Variants in TMEM209 observed in about 807,000 individuals in gnomAD.
The protein encoded by TMEM209 is transmembrane protein 209, also known as testicular tissue protein Li 202.
In TMEM209, 65 loss-of-function variants were observed where a neutral mutation model predicts 76.2. The ratio of observed to expected loss-of-function variants is 0.85; its 90% confidence interval spans 0.70 to 1.05. The LOEUF is 1.05. TMEM209 is among the 50% of genes least tolerant of loss of function. The probability of loss-of-function intolerance (pLI) is 0.00; values close to 1 mark genes in which losing one functional copy is unlikely to be tolerated. For missense variants in TMEM209, 623 were observed against 685.5 expected, an observed-to-expected ratio of 0.91 and a Z score of 1.02; for synonymous variants, 239 against 237.6, an observed-to-expected ratio of 1.01 and a Z score of -0.06.
chr7:130,177,046 A>C (rs952291226), intron 10 of TMEM209, among the ~76,000 whole-genome samples: 1 of 151,222 alleles, frequency 6.6e-6, no homozygotes, highest in African/African-American at 2.4e-5. Flanking sequence ...AAAAAAAAAA[A>C]AATTATATTA....
At chr7:130,181,330 C>T (rs71579229) in intron 9 of TMEM209, among the ~76,000 whole-genome samples, 6,593 of 152,218 alleles carry the variant, frequency 0.043, 218 homozygotes, top group Non-Finnish European at 0.067. Context: ...CAGGGGGTGA[C>T]TGGTAAAAGG....
intron 10 of TMEM209, among the ~76,000 whole-genome samples, chr7:130,176,171 A>G (rs1334940808): frequency 6.7e-6 from 1 of 149,234 alleles, no homozygotes; most frequent in Non-Finnish European, 1.5e-5. Flanking sequence ...GGAGCGCAGT[A>G]GTGTGATCTC....
intron 10 of TMEM209, among the ~76,000 whole-genome samples, chr7:130,178,024 T>G (rs1797295551): frequency 6.6e-6 from 1 of 152,102 alleles, no homozygotes; most frequent in African/African-American, 2.4e-5. Context: ...ATTTCCTGAT[T>G]CTCAAGTCAG....
chr7:130,166,619 C>T, intron 14 of TMEM209, 114 bp from the exon 15 acceptor site: 1 of 585,754 alleles, frequency 1.7e-6, no homozygotes, highest in Non-Finnish European at 2.8e-6. Context: ...TAATGTGATT[C>T]TGCAATGAAT....
intron 1 of TMEM209, 119 bp downstream of exon 1, chr7:130,205,254 G>A: frequency 1.9e-6 from 3 of 1,608,040 alleles, no homozygotes; most frequent in Non-Finnish European, 1.7e-6. Flanking sequence ...CCCCTAGAGA[G>A]GCGGAACGCC....
At chr7:130,172,226 T>C (rs1797093166) in intron 13 of TMEM209, among the ~76,000 whole-genome samples, 2 of 152,238 alleles carry the variant, frequency 1.3e-5, no homozygotes, top group South Asian at 4.1e-4. Context: ...TGGTAACATG[T>C]TATTTTTAAA....
At chr7:130,170,717 A>G (rs78399771) in intron 13 of TMEM209, among the ~76,000 whole-genome samples, 162 of 152,358 alleles carry the variant, frequency 1.1e-3, no homozygotes, top group South Asian at 3.3e-3. Flanking sequence ...ACAGTAAACT[A>G]AGAATCACAA....
At chr7:130,177,427 C>T (rs1394836691) in intron 10 of TMEM209, among the ~76,000 whole-genome samples, 1 of 151,224 alleles carries the variant, frequency 6.6e-6, no homozygotes. Context: ...CAGCTGGGCA[C>T]GGTGGCTCAT....
chr7:130,177,028 C>CA (rs5887463), intron 10 of TMEM209, among the ~76,000 whole-genome samples: 25 of 117,496 alleles, frequency 2.1e-4, no homozygotes, highest in African/African-American at 4.0e-4. Context: ...AGCCGGGTCT[C>CA]AAAAAAAAAA....
chr7:130,169,299 T>C (rs1330192018), intron 14 of TMEM209, among the ~76,000 whole-genome samples: 1 of 152,170 alleles, frequency 6.6e-6, no homozygotes, highest in Non-Finnish European at 1.5e-5. Flanking sequence ...AGCTTTGCTT[T>C]CTCTAGAGCA....
intron 13 of TMEM209, among the ~76,000 whole-genome samples, chr7:130,170,919 C>T (rs1797048208): frequency 2.0e-5 from 3 of 151,526 alleles, no homozygotes; most frequent in Non-Finnish European, 4.4e-5. Context: ...ACCTCCATCT[C>T]CTGGGTTCAC....
At chr7:130,198,085 C>T (rs1000502851) in intron 5 of TMEM209, among the ~76,000 whole-genome samples, 1 of 152,300 alleles carries the variant, frequency 6.6e-6, no homozygotes, top group Admixed American at 6.5e-5. Flanking sequence ...CCTTCCCACC[C>T]CAACTTTAGA....
In TMEM209 at chr7:130,178,373, T is replaced by C. The variant is rs778905084; in HGVS notation, c.1246+29A>G. ...AATTCCAGCATAGTAAAAAAGCTCT[T>C]ATTTTTTTCTCTTCAAATCAATAAT... On this transcript the variant is annotated intron_variant, in intron 10 of 14. Coordinates refer to ENST00000397622, the MANE Select transcript of TMEM209 (RefSeq NM_032842.4). The C allele has an allele frequency of 5.8e-6, 9 of 1,556,584 alleles. No homozygotes were observed. In the Admixed American group the frequency reaches 5.9e-5, roughly 10 times the overall value.
At position 130,201,801 on chromosome 7, in the gene TMEM209, C is replaced by A. The variant is rs761456352; in HGVS notation, c.573+49G>T. The A allele has an allele frequency of 2.1e-5, 33 of 1,605,160 alleles. No homozygotes were observed. In the Admixed American group the frequency reaches 3.9e-4, roughly 19 times the overall value. On this transcript the variant is annotated intron_variant, in intron 5 of 14. Coordinates refer to ENST00000397622, the MANE Select transcript of TMEM209 (RefSeq NM_032842.4). ...GACTCATTAGATGATTTTTAGTATACCTCTCAATTCTAAAATAATGTGACT... is the reference window on the plus strand; with the variant it reads ...GACTCATTAGATGATTTTTAGTATAACTCTCAATTCTAAAATAATGTGACT...
At chr7:130,175,888 T>A (rs1449231724) in intron 10 of TMEM209, among the ~76,000 whole-genome samples, 1 of 152,120 alleles carries the variant, frequency 6.6e-6, no homozygotes, top group African/African-American at 2.4e-5. Flanking sequence ...GGACAATATA[T>A]TAAATATCAG....
chr7:130,191,234 A>G (rs754725010), intron 6 of TMEM209, among the ~76,000 whole-genome samples: 1 of 151,838 alleles, frequency 6.6e-6, no homozygotes, highest in Non-Finnish European at 1.5e-5. Context: ...AGAGATAAAG[A>G]TAAGTGGCAT....
intron 6 of TMEM209, among the ~76,000 whole-genome samples, chr7:130,191,916 T>C (rs994139060): frequency 6.6e-6 from 1 of 152,218 alleles, no homozygotes; most frequent in Non-Finnish European, 1.5e-5. Flanking sequence ...TCTGTGGCAC[T>C]TTCAGGCAAA....
chr7:130,187,241 T>C (rs1797631126), intron 6 of TMEM209, among the ~76,000 whole-genome samples: 1 of 147,776 alleles, frequency 6.8e-6, no homozygotes, highest in Admixed American at 6.8e-5. Context: ...AGACTCTATC[T>C]CAAAAACAAA....
intron 7 of TMEM209, 85 bp downstream of exon 7, chr7:130,185,107 A>G: frequency 7.0e-7 from 1 of 1,424,412 alleles, no homozygotes; most frequent in South Asian, 1.4e-5. Context: ...AGAATGGAAG[A>G]TTACAGAAAA....
Sources: allele counts gnomAD v4.1 joint callset (sites outside exome capture counted in the v4.1 genomes callset), GRCh38; gene constraint gnomAD v4.1.1; transcripts MANE v1.5; gene names NCBI Gene and HGNC (gene_info 2026-07-23, HGNC 2026-07-21).